The following TASOR2 variants were observed in gnomAD, a reference collection of about 807,000 sequenced individuals.
The protein encoded by TASOR2 is transcription activation suppressor family member 2, also known as protein TASOR 2.
TASOR2 carries 84 observed loss-of-function variants against 199.5 expected under a neutral mutation model. The ratio of observed to expected loss-of-function variants is 0.42; its 90% CI spans 0.35 to 0.50. TASOR2 has a LOEUF of 0.50. Among genes scored for constraint, TASOR2 ranks in the 20% least tolerant of loss-of-function variants. The probability of loss-of-function intolerance (pLI) is 0.02; values close to 1 mark genes in which losing one functional copy is unlikely to be tolerated. For synonymous variants in TASOR2, 1,103 were observed against 1,046.6 expected (o/e 1.05, Z -1.04); for missense variants, 2,796 against 2,835.9 (o/e 0.99, Z 0.32).
intron 1 of TASOR2, among the ~76,000 whole-genome samples, chr10:5,697,262 G>T (rs945317445): frequency 3.4e-5 from 5 of 148,064 alleles, no homozygotes; most frequent in African/African-American, 1.2e-4. Context: ...CTCTTAAACT[G>T]CATTTTAACA....
chr10:5,702,492 A>AT, intron 1 of TASOR2, among the ~76,000 whole-genome samples: 1 of 152,194 alleles, frequency 6.6e-6, no homozygotes, highest in Non-Finnish European at 1.5e-5. Context: ...CTCCTCTTCA[A>AT]TTTTTTGAAG....
rs371176020 is a variant in TASOR2 at position 5,720,732 on chromosome 10, C to A, written c.27-23C>A. ...TTCCTTTTACTCTTGTAAACATGTT[C>A]TTTTTCTTTCTTTTTCTGCTAGACT... is the stretch of plus-strand genomic sequence containing the variant. On this transcript the variant is annotated intron_variant, in intron 4 of 20. Coordinates refer to ENST00000328090, the Ensembl canonical transcript of TASOR2. The surrounding 1 kb of genome is among the most constrained non-coding windows in gnomAD (Gnocchi z 5.3). The A allele has an allele frequency of 1.9e-6, 3 of 1,612,786 alleles. No homozygotes were observed. The highest frequency in any genetic ancestry group is 2.7e-5 in the African/African-American group (2 of 74,758).
At chr10:5,702,139 C>G (rs1037041973) in intron 1 of TASOR2, among the ~76,000 whole-genome samples, 1 of 152,026 alleles carries the variant, frequency 6.6e-6, no homozygotes, top group Non-Finnish European at 1.5e-5. Context: ...CCTTCCATAC[C>G]CAGTTTGATG....
In TASOR2 at chr10:5,720,717, T is replaced by C. The variant is rs1359791103; in HGVS notation, c.27-38T>C. 2 of 1,613,874 alleles carry C rather than the reference T, an allele frequency of 1.2e-6. No homozygotes were observed. Among genetic ancestry groups the C allele is most frequent in the African/African-American group, 2.7e-5 (2 of 74,932 alleles). Reference sequence around the variant, plus strand: ...GTTTTACTGAATTTGTTCCTTTTACTCTTGTAAACATGTTCTTTTTCTTTC... The same window carrying C: ...GTTTTACTGAATTTGTTCCTTTTACCCTTGTAAACATGTTCTTTTTCTTTC... On this transcript the variant is annotated intron_variant, in intron 4 of 20. Transcript: ENST00000328090. This position sits in a 1 kb window ranked among gnomAD's most constrained non-coding sequence, Gnocchi z 5.3.
At chr10:5,705,841 A>G (rs994512489) in intron 1 of TASOR2, among the ~76,000 whole-genome samples, 12 of 152,232 alleles carry the variant, frequency 7.9e-5, no homozygotes, top group African/African-American at 2.6e-4. Context: ...TTTCTTAATA[A>G]TGATACCTTG....
chr10:5,747,650 C>T, exon 15 of TASOR2: 1 of 1,614,132 alleles, frequency 6.2e-7, no homozygotes, highest in Non-Finnish European at 8.5e-7. Context: ...CCTCCAGTAC[C>T]AGTTAAAGAG....
chr10:5,739,320 T>C (rs1034522903), intron 12 of TASOR2, among the ~76,000 whole-genome samples: 1 of 148,052 alleles, frequency 6.8e-6, no homozygotes, highest in Non-Finnish European at 1.5e-5. Context: ...TTTTGAAGGA[T>C]AATTTCTTTC....
chr10:5,762,516 T>TTTG lies in TASOR2; in HGVS notation c.7175-14_7175-13insGTT, dbSNP rs1554784566. ...AATTATATTAACCAAAAGTTGTTTT[T>TTTG]TTTTTTTTTTAACAGACAAGCCTAC... is the stretch of plus-strand genomic sequence containing the variant. On this transcript the variant is annotated splice_polypyrimidine_tract_variant and intron_variant, in intron 19 of 20. Transcript: ENST00000328090. The TTTG allele has an allele frequency of 1.2e-5, 7 of 603,210 alleles. No homozygotes were observed. Among genetic ancestry groups the TTTG allele is most frequent in the Non-Finnish European group, 1.8e-5 (7 of 388,720 alleles). The allele number at this position is 603,210 out of a possible 1,614,324, so 37.4% of individuals were successfully genotyped here.
intron 8 of TASOR2, among the ~76,000 whole-genome samples, chr10:5,725,586 G>T (rs953193585): frequency 1.3e-5 from 2 of 148,640 alleles, no homozygotes; most frequent in Non-Finnish European, 3.0e-5. Flanking sequence ...GGGCAACATA[G>T]CAAGATCTTA....
intron 6 of TASOR2, among the ~76,000 whole-genome samples, chr10:5,721,622 A>G (rs1371304432): frequency 6.6e-6 from 1 of 152,170 alleles, no homozygotes; most frequent in African/African-American, 2.4e-5. Flanking sequence ...AAGCAAATAG[A>G]GAAGGGAAAG....
At chr10:5,732,723 AT>A (rs35121004) in intron 11 of TASOR2, among the ~76,000 whole-genome samples, 22,894 of 152,054 alleles carry the variant, frequency 0.15, 1,802 homozygotes, top group South Asian at 0.23. Context: ...AATTTTTAAA[AT>A]TTTTTTGTAG....
At chr10:5,731,146 G>T in exon 11 of TASOR2, 1 of 1,611,006 alleles carries the variant, frequency 6.2e-7, no homozygotes. Flanking sequence ...CAACAGCTCG[G>T]ACTCTCCAAC....
intron 14 of TASOR2, among the ~76,000 whole-genome samples, chr10:5,743,496 A>C (rs1027660569): frequency 2.0e-5 from 3 of 152,202 alleles, no homozygotes; most frequent in African/African-American, 4.8e-5. Context: ...GAAGTAAAGA[A>C]ATTGCCTAAA....
At position 5,730,173 on chromosome 10, in the gene TASOR2, TTGAGCTCA is replaced by T. The variant is rs1312783996; in HGVS notation, c.488-306_488-299del. ...CCAGTGGTACTGCTGTGATGAACCATTGAGCTCATGAGCTCCTTGTTAGGTGAGATGGA... is the reference window on the plus strand; with the variant it reads ...CCAGTGGTACTGCTGTGATGAACCATTGAGCTCCTTGTTAGGTGAGATGGA... On this transcript the variant is annotated intron_variant, in intron 10 of 20. Transcript: ENST00000328090. The surrounding 1 kb of genome is among the most constrained non-coding windows in gnomAD (Gnocchi z 4.1). Among the ~76,000 whole-genome samples the T allele has an allele frequency of 3.3e-5, 5 of 152,222 alleles. No individual in the cohort carries two copies. The highest frequency in any genetic ancestry group is 7.3e-5 in the Non-Finnish European group (5 of 68,040).
At chr10:5,705,161 C>G (rs887156059) in intron 1 of TASOR2, among the ~76,000 whole-genome samples, 2 of 152,178 alleles carry the variant, frequency 1.3e-5, no homozygotes, top group Admixed American at 6.5e-5. Context: ...AGTCAATTTT[C>G]CTATTCCTGC....
At chr10:5,759,019 C>T in intron 18 of TASOR2, 27 bp downstream of exon 19, 1 of 1,528,742 alleles carries the variant, frequency 6.5e-7, no homozygotes, top group Non-Finnish European at 9.1e-7. Context: ...TGTATGGTTC[C>T]TCCTGCCCTG....
At chr10:5,711,015 A>G (rs1292767193) in intron 1 of TASOR2, among the ~76,000 whole-genome samples, 1 of 152,114 alleles carries the variant, frequency 6.6e-6, no homozygotes, top group Non-Finnish European at 1.5e-5. Flanking sequence ...TCTATTCAGA[A>G]TATCCCTATT....
chr10:5,760,389 G>T (rs944308270), intron 18 of TASOR2, among the ~76,000 whole-genome samples: 1 of 152,066 alleles, frequency 6.6e-6, no homozygotes, highest in East Asian at 1.9e-4. Flanking sequence ...TGTAACAGGC[G>T]TTATGTATTA....
chr10:5,749,120 C>T, exon 15 of TASOR2: 1 of 1,614,054 alleles, frequency 6.2e-7, no homozygotes, highest in Non-Finnish European at 8.5e-7. Flanking sequence ...CACTGGACTG[C>T]TGCGGTAAAG....
Sources: allele counts gnomAD v4.1 joint callset (sites outside exome capture counted in the v4.1 genomes callset), GRCh38; gene constraint gnomAD v4.1.1; non-coding constraint Gnocchi (gnomAD v3.1); transcripts MANE v1.5; gene names NCBI Gene and HGNC (gene_info 2026-07-23, HGNC 2026-07-21).